DGCR2: variants seen among roughly 807,000 people sequenced by gnomAD.
DGCR2 encodes integral membrane protein DGCR2/IDD.
Under a neutral mutation model 51.6 loss-of-function variants are expected in DGCR2, and 24 were observed. The ratio of observed to expected loss-of-function variants is 0.47; its 90% CI spans 0.34 to 0.65. DGCR2 has a LOEUF of 0.65. Among genes scored for constraint, DGCR2 ranks in the 30% least tolerant of loss-of-function variants. The pLI is 0.01. For synonymous variants in DGCR2, 340 were observed against 315.4 expected (o/e 1.08, Z -0.82); for missense variants, 765 against 772.1 (o/e 0.99, Z 0.11).
chr22:19,119,783 C>T (rs1396321406), intron 1 of DGCR2, among the ~76,000 whole-genome samples: 1 of 150,030 alleles, frequency 6.7e-6, no homozygotes, highest in Admixed American at 6.6e-5. Flanking sequence ...GTACAGCAAG[C>T]ACTTGCTGCC....
At chr22:19,052,426 A>C (rs1310720767) in intron 6 of DGCR2, among the ~76,000 whole-genome samples, 1 of 151,454 alleles carries the variant, frequency 6.6e-6, no homozygotes, top group Non-Finnish European at 1.5e-5. Context: ...ACACACACAC[A>C]CACACACACA....
At chr22:19,044,892 T>C (rs1280480534) in intron 7 of DGCR2, among the ~76,000 whole-genome samples, 1 of 152,272 alleles carries the variant, frequency 6.6e-6, no homozygotes, top group Non-Finnish European at 1.5e-5. Context: ...ATCTGTGTTT[T>C]GCAAATACTT....
Position 19,041,970 on chromosome 22 carries a change from G to A in DGCR2, c.1007-11C>T. Reference sequence around the variant, plus strand: ...ACAGACTGTTGCCATCTGAGGGGGAGGGGAGGAAATGGCCGCTCTGAGAAG... The same window carrying A: ...ACAGACTGTTGCCATCTGAGGGGGAAGGGAGGAAATGGCCGCTCTGAGAAG... On this transcript the variant is annotated splice_polypyrimidine_tract_variant and intron_variant, in intron 7 of 9. Coordinates refer to ENST00000263196, the MANE Select transcript of DGCR2 (RefSeq NM_005137.3). 1 of 1,610,856 alleles carries A rather than the reference G, an allele frequency of 6.2e-7. No individual in the cohort carries two copies.
intron 5 of DGCR2, among the ~76,000 whole-genome samples, 178 bp downstream of exon 5, chr22:19,063,024 C>G (rs2082701436): frequency 6.6e-6 from 1 of 152,174 alleles, no homozygotes; most frequent in East Asian, 1.9e-4. Context: ...AATGCAGGGC[C>G]TGATCTGCAG....
intron 2 of DGCR2, among the ~76,000 whole-genome samples, chr22:19,085,163 T>TA (rs2146005215): frequency 6.7e-6 from 1 of 150,136 alleles, no homozygotes; most frequent in South Asian, 2.1e-4. Context: ...TGCTAAGGGA[T>TA]TTCTAACACG....
chr22:19,089,616 G>C (rs2083056703), intron 1 of DGCR2, 126 bp from the exon 2 acceptor site: 1 of 1,153,260 alleles, frequency 8.7e-7, no homozygotes, highest in East Asian at 3.2e-5. Context: ...GTCTCATTCT[G>C]TCACCCAGGC....
rs146459448 is a variant in DGCR2 at position 19,041,568 on chromosome 22, T to G, written c.1159+239A>C. 195 of 594,252 alleles carry G rather than the reference T, an allele frequency of 3.3e-4. 1 individual carries two copies. The African/African-American group carries it at 3.5e-3, about 11-fold the overall frequency. 36.8% of individuals were successfully genotyped at this position (594,252 alleles called of 1,614,324 possible). ...GACCACACCCCTCCAGCTGGAAGGG[T>G]GATCCGGGCCTCTGACCCTCAGAGG... is the stretch of plus-strand genomic sequence containing the variant. On this transcript the variant is annotated intron_variant, in intron 8 of 9. Coordinates refer to ENST00000263196, the MANE Select transcript of DGCR2 (RefSeq NM_005137.3).
In DGCR2 at chr22:19,036,592, T is replaced by G. The variant is rs1274897961; in HGVS notation, c.*2273A>C. On this transcript the variant is annotated 3_prime_UTR_variant, in exon 10 of 10. Transcript: ENST00000263196. ...AGCAGGCCTTGCAAAGGGGGCATTC[T>G]GGATGGTGGTGCAAGAACAGATGAG... is the stretch of plus-strand genomic sequence containing the variant. 1 of 152,276 alleles carries G rather than the reference T, an allele frequency of 6.6e-6. No homozygotes were observed. The highest frequency in any genetic ancestry group is 2.4e-5 in the African/African-American group (1 of 41,420). The allele number at this position is 152,276 out of a possible 1,614,324, so 9.4% of individuals were successfully genotyped here.
intron 6 of DGCR2, among the ~76,000 whole-genome samples, chr22:19,050,616 T>C (rs747369529): frequency 3.3e-5 from 5 of 152,208 alleles, no homozygotes; most frequent in African/African-American, 4.8e-5. Context: ...TAAAAAGCAA[T>C]TGTATAAAAT....
At chr22:19,054,447 C>A (rs9618454) in intron 6 of DGCR2, among the ~76,000 whole-genome samples, 1 of 152,224 alleles carries the variant, frequency 6.6e-6, no homozygotes, top group African/African-American at 2.4e-5. Flanking sequence ...TTACAGAAGT[C>A]TCCCTCGCCT....
chr22:19,059,705 A>G (rs1314188462), intron 5 of DGCR2, among the ~76,000 whole-genome samples: 3 of 152,016 alleles, frequency 2.0e-5, no homozygotes, highest in African/African-American at 7.2e-5. Context: ...AGGTGTGCGC[A>G]GGACTCTGAC....
chr22:19,117,277 G>A (rs764185573), intron 1 of DGCR2, among the ~76,000 whole-genome samples: 4 of 152,250 alleles, frequency 2.6e-5, no homozygotes, highest in African/African-American at 9.6e-5. Flanking sequence ...GAGCAGCGAA[G>A]GCGCAGCCTA....
At chr22:19,086,430 G>C (rs1049147722) in intron 2 of DGCR2, among the ~76,000 whole-genome samples, 2 of 152,200 alleles carry the variant, frequency 1.3e-5, no homozygotes, top group Middle Eastern at 3.4e-3. Flanking sequence ...AGTGAGCCCA[G>C]ATGGCGCCAC....
chr22:19,038,762 G>C lies in DGCR2; in HGVS notation c.*103C>G. The stretch of plus-strand genomic sequence containing the variant: ...GCCCGCCAGTGACGTGCGGCAGTGC[G>C]TGGCGTCCAGGCTGGGACAGGGGCC... On this transcript the variant is annotated 3_prime_UTR_variant, in exon 10 of 10. Transcript: ENST00000263196. The C allele has an allele frequency of 2.0e-6, 3 of 1,465,762 alleles. No individual in the cohort carries two copies. Among genetic ancestry groups the C allele is most frequent in the Non-Finnish European group, 2.8e-6 (3 of 1,079,520 alleles). The allele number at this position is 1,465,762 out of a possible 1,614,324, so 90.8% of individuals were successfully genotyped here.
chr22:19,096,633 GA>G (rs1171136547), intron 1 of DGCR2, among the ~76,000 whole-genome samples: 1 of 102,854 alleles, frequency 9.7e-6, no homozygotes, highest in Non-Finnish European at 2.1e-5. Context: ...CAGGAAAAAG[GA>G]AAAAAAAAGC....
At chr22:19,056,854 T>A (rs45472592) in intron 6 of DGCR2, 132 bp downstream of exon 6, 16,070 of 989,626 alleles carry the variant, frequency 0.016, 359 homozygotes, top group Middle Eastern at 0.068. Flanking sequence ...AAGAACAAGG[T>A]GTGAGCTGGT....
intron 2 of DGCR2, among the ~76,000 whole-genome samples, chr22:19,086,320 A>G (rs1447055122): frequency 6.6e-6 from 1 of 152,000 alleles, no homozygotes; most frequent in African/African-American, 2.4e-5. Context: ...TACTAAAAAT[A>G]CAAAAAAAAT....
At position 19,077,632 on chromosome 22, in the gene DGCR2, TTTC is replaced by T. The variant is rs769476070; in HGVS notation, c.203-9410_203-9408del. ...AGTCAGGAATTATGAGGATTTCATA[TTTC>T]TTCTTCTTTTTCAAGACTGTTCTGG... is the stretch of plus-strand genomic sequence containing the variant. On this transcript the variant is annotated intron_variant, in intron 2 of 9. Coordinates refer to ENST00000263196, the MANE Select transcript of DGCR2 (RefSeq NM_005137.3). 7.9e-5 allele frequency among the ~76,000 whole-genome samples: 12 copies of T among 152,314 alleles called. No individual in the cohort carries two copies. The East Asian group carries it at 1.5e-3, about 20-fold the overall frequency.
At chr22:19,084,881 G>A (rs991609542) in intron 2 of DGCR2, among the ~76,000 whole-genome samples, 3 of 152,062 alleles carry the variant, frequency 2.0e-5, no homozygotes, top group Non-Finnish European at 4.4e-5. Context: ...CGCCCCTTCT[G>A]GGAAGTGAGG....
Sources: allele counts gnomAD v4.1 joint callset (sites outside exome capture counted in the v4.1 genomes callset), GRCh38; gene constraint gnomAD v4.1.1; transcripts MANE v1.5; gene names NCBI Gene and HGNC (gene_info 2026-07-23, HGNC 2026-07-21).